CEP63: variants seen among roughly 807,000 people sequenced by gnomAD.
CEP63 encodes centrosomal protein 63, also known as centrosomal protein of 63 kDa.
A neutral mutation model predicts 89.1 loss-of-function variants in CEP63; 84 were observed. The ratio of observed to expected loss-of-function variants is 0.94; its 90% CI spans 0.79 to 1.13. The LOEUF (loss-of-function observed/expected upper bound fraction) is 1.13. Ranked by LOEUF, CEP63 falls within the 50% of genes most tolerant of loss-of-function variation. The pLI, the probability that CEP63 is intolerant of heterozygous loss-of-function variation, is 0.00. For missense variants in CEP63, 838 were observed against 813.3 expected (o/e 1.03, Z -0.37); for synonymous variants, 267 against 272.5 (o/e 0.98, Z 0.20).
the CEP63 span, among the ~76,000 whole-genome samples, chr3:134,624,040 T>C: frequency 1.3e-5 from 2 of 152,216 alleles, no homozygotes; most frequent in African/African-American, 2.4e-5. Context: ...TTCCCCTGGA[T>C]GTGCCACAGA....
chr3:134,767,464 A>T, the CEP63 span, among the ~76,000 whole-genome samples: 156 of 152,356 alleles, frequency 1.0e-3, 2 homozygotes, highest in Admixed American at 9.8e-3. Flanking sequence ...CCAAATCAAG[A>T]TTCCAGACTA....
downstream of CEP63, among the ~76,000 whole-genome samples, chr3:134,565,820 T>A (rs1534027): frequency 0.66 from 99,772 of 151,554 alleles, 33,219 homozygotes; most frequent in East Asian, 0.81. Flanking sequence ...CACAGATTTT[T>A]TTTGTGTGTT....
At chr3:134,711,259 G>A in the CEP63 span, among the ~76,000 whole-genome samples, 1 of 152,144 alleles carries the variant, frequency 6.6e-6, no homozygotes, top group Admixed American at 6.5e-5. Context: ...GTTGGGAAGT[G>A]GGGATTATTG....
chr3:134,545,250 G>A (rs924377031), intron 6 of CEP63, among the ~76,000 whole-genome samples: 1 of 152,058 alleles, frequency 6.6e-6, no homozygotes, highest in Admixed American at 6.6e-5. Flanking sequence ...GCCCACCTCA[G>A]CCTCTCAAAG....
intron 12 of CEP63, among the ~76,000 whole-genome samples, chr3:134,554,650 A>T (rs1385336342): frequency 1.3e-5 from 2 of 151,906 alleles, no homozygotes; most frequent in Non-Finnish European, 2.9e-5. Context: ...ATCCCTGAGG[A>T]ATCGCCACAC....
the CEP63 span, among the ~76,000 whole-genome samples, chr3:134,735,993 G>A: frequency 6.6e-6 from 1 of 152,040 alleles, no homozygotes; most frequent in Non-Finnish European, 1.5e-5. Context: ...TAGCACTTAA[G>A]AAAATAGGTT....
chr3:134,574,849 C>A, exon 12 of CEP63: 2 of 621,830 alleles, frequency 3.2e-6, no homozygotes, highest in Non-Finnish European at 5.9e-6. Flanking sequence ...TTCAAGCAAT[C>A]CGCCAGCCTC....
chr3:134,681,367 G>A, the CEP63 span, among the ~76,000 whole-genome samples: 1 of 152,160 alleles, frequency 6.6e-6, no homozygotes, highest in Non-Finnish European at 1.5e-5. Context: ...AGCTGCTGAA[G>A]GTCAATTAAG....
chr3:134,717,353 T>G, the CEP63 span, among the ~76,000 whole-genome samples: 1 of 152,198 alleles, frequency 6.6e-6, no homozygotes, highest in East Asian at 1.9e-4. Flanking sequence ...AACTGGGTAG[T>G]GTTACCCTGC....
At chr3:134,527,768 C>G (rs1004215764) in intron 3 of CEP63, among the ~76,000 whole-genome samples, 2 of 152,200 alleles carry the variant, frequency 1.3e-5, no homozygotes, top group Non-Finnish European at 2.9e-5. Flanking sequence ...CAAGGCTGCC[C>G]TGTAAGCATG....
At chr3:134,695,877 C>T in the CEP63 span, among the ~76,000 whole-genome samples, 1 of 152,350 alleles carries the variant, frequency 6.6e-6, no homozygotes, top group African/African-American at 2.4e-5. Flanking sequence ...TGAATCCTCA[C>T]TACAATCTGG....
chr3:134,613,345 A>T, the CEP63 span: 1 of 152,682 alleles, frequency 6.5e-6, no homozygotes, highest in Non-Finnish European at 1.5e-5. Flanking sequence ...AAGGGAGTGA[A>T]GTGGAGGCAA....
chr3:134,486,270 G>A (rs1355165440), intron 1 of CEP63, 68 bp downstream of exon 1: 12 of 985,494 alleles, frequency 1.2e-5, no homozygotes, highest in Non-Finnish European at 1.4e-5. Context: ...AAGTTGGAGG[G>A]GCAAGGGGCT....
chr3:134,704,927 A>C, the CEP63 span, among the ~76,000 whole-genome samples: 1 of 152,184 alleles, frequency 6.6e-6, no homozygotes, highest in African/African-American at 2.4e-5. Context: ...AATCAGCTTG[A>C]TTCTCTTCTA....
At chr3:134,526,146 T>C (rs538885114) in intron 3 of CEP63, among the ~76,000 whole-genome samples, 2 of 152,310 alleles carry the variant, frequency 1.3e-5, no homozygotes, top group South Asian at 2.1e-4. Context: ...ATTCTTTTTT[T>C]CTCTATTCTT....
chr3:134,551,965 C>A lies in CEP63; in HGVS notation c.1420C>A (p.Arg474Ser). The A allele has an allele frequency of 1.9e-6, 3 of 1,608,564 alleles. No homozygotes were observed. The highest frequency in any genetic ancestry group is 2.5e-6 in the Non-Finnish European group (3 of 1,176,808). ...DQLESLKLEN[R>S]HLSEMVMKLE... is the part of the protein sequence containing the mutation. ...GCTGGAGTCACTCAAATTAGAAAATCGTCATCTTTCTGAAATGGTGATGAA... is the reference window on the plus strand; with the variant it reads ...GCTGGAGTCACTCAAATTAGAAAATAGTCATCTTTCTGAAATGGTGATGAA... Residue 474 changes from arginine to serine, a missense_variant, in exon 12 of 15, where the codon CGT becomes AGT. By Grantham distance (110) the Arg-to-Ser change is moderately radical. Transcript: ENST00000675561.
chr3:134,581,511 C>T (rs908287172), intron 10 of CEP63, among the ~76,000 whole-genome samples: 4 of 56 alleles, frequency 0.071, no homozygotes, highest in Admixed American at 0.25. Context: ...ACCCAGGAGG[C>T]GGAGGTTGCC....
chr3:134,557,686 AT>A (rs1039968807), intron 12 of CEP63, among the ~76,000 whole-genome samples: 8 of 152,138 alleles, frequency 5.3e-5, no homozygotes, highest in Non-Finnish European at 7.4e-5. Context: ...ATTAGAGATT[AT>A]TTATTTAAAA....
the CEP63 span, among the ~76,000 whole-genome samples, chr3:134,773,283 G>A: frequency 6.6e-6 from 1 of 152,176 alleles, no homozygotes; most frequent in African/African-American, 2.4e-5. Context: ...AGTTATGGGT[G>A]GGCACTATCT....
Sources: gnomAD v4.1 joint callset for allele counts (sites outside exome capture counted in the v4.1 genomes callset) on GRCh38, gnomAD v4.1.1 for gene constraint, MANE v1.5 for transcripts, NCBI Gene and HGNC (gene_info 2026-07-23, HGNC 2026-07-21) for gene names.